The following AUTS2 variants were observed in gnomAD, a reference collection of about 807,000 sequenced individuals.
AUTS2 encodes autism susceptibility gene 2 protein.
A neutral mutation model predicts 112.4 loss-of-function variants in AUTS2; 17 were observed. The ratio of observed to expected loss-of-function variants is 0.15; its 90% CI spans 0.10 to 0.23. The LOEUF (loss-of-function observed/expected upper bound fraction) is 0.23, where lower values mean the gene tolerates loss of function less well. AUTS2 is among the 10% of genes least tolerant of loss of function. AUTS2 has a pLI of 1.00. For missense variants in AUTS2, 1,510 were observed against 1,701.6 expected, an observed-to-expected ratio of 0.89 and a Z score of 1.98; for synonymous variants, 751 against 702.7, an observed-to-expected ratio of 1.07 and a Z score of -1.09.
At chr7:70,464,808 T>C (rs1373438567) in intron 5 of AUTS2, among the ~76,000 whole-genome samples, 1 of 152,208 alleles carries the variant, frequency 6.6e-6, no homozygotes, top group East Asian at 1.9e-4. Context: ...TTCAGGGTCT[T>C]GGATACCAGG....
At chr7:70,461,941 T>G (rs527619060) in intron 5 of AUTS2, among the ~76,000 whole-genome samples, 2 of 152,274 alleles carry the variant, frequency 1.3e-5, no homozygotes, top group Admixed American at 1.3e-4. Context: ...GAGAAAGTGT[T>G]TTTTAAATAG....
At chr7:70,184,986 T>A (rs1408950533) in intron 4 of AUTS2, among the ~76,000 whole-genome samples, 1 of 152,216 alleles carries the variant, frequency 6.6e-6, no homozygotes, top group Non-Finnish European at 1.5e-5. Flanking sequence ...TATTAGAAGC[T>A]TTTGAAATAC....
chr7:70,375,634 G>C (rs1356640080), intron 4 of AUTS2, among the ~76,000 whole-genome samples: 1 of 152,144 alleles, frequency 6.6e-6, no homozygotes, highest in Non-Finnish European at 1.5e-5. Context: ...GCTTAAGAAA[G>C]TATTTATTAT....
intron 6 of AUTS2, among the ~76,000 whole-genome samples, chr7:70,712,636 A>G (rs1810122442): frequency 6.6e-6 from 1 of 152,226 alleles, no homozygotes; most frequent in African/African-American, 2.4e-5. Flanking sequence ...CAAGCCTTCC[A>G]GGTAGTTCTA....
At chr7:70,110,545 A>T (rs1402705928) in intron 2 of AUTS2, among the ~76,000 whole-genome samples, 2 of 152,124 alleles carry the variant, frequency 1.3e-5, no homozygotes, top group Non-Finnish European at 2.9e-5. Flanking sequence ...CAAATAAATA[A>T]ATAAATTATT....
At chr7:70,302,473 A>G (rs1789262128) in intron 4 of AUTS2, among the ~76,000 whole-genome samples, 1 of 152,084 alleles carries the variant, frequency 6.6e-6, no homozygotes. Context: ...TTTTAGTGTT[A>G]TAGTCATTAA....
chr7:69,617,581 CCAGAAGCTTAGAAACAG>C (rs1394113065), intron 1 of AUTS2, among the ~76,000 whole-genome samples: 1 of 152,058 alleles, frequency 6.6e-6, no homozygotes, highest in Non-Finnish European at 1.5e-5. Context: ...CTGAGTGACG[CCAGAAGCTTAGAAACAG>C]CAGAAAGCAA....
chr7:69,924,763 C>G (rs1353114575), intron 2 of AUTS2, among the ~76,000 whole-genome samples: 2 of 152,110 alleles, frequency 1.3e-5, no homozygotes, highest in Non-Finnish European at 2.9e-5. Context: ...GTTGGTCAGG[C>G]TGGTCTCAAA....
chr7:69,900,867 T>C (rs1447272841), intron 2 of AUTS2, among the ~76,000 whole-genome samples: 1 of 152,210 alleles, frequency 6.6e-6, no homozygotes, highest in Admixed American at 6.5e-5. Context: ...ATAGTAATTA[T>C]TAACATTTAC....
At chr7:69,722,378 A>T (rs1415818817) in intron 1 of AUTS2, among the ~76,000 whole-genome samples, 24 of 142,700 alleles carry the variant, frequency 1.7e-4, no homozygotes, top group South Asian at 2.2e-4. Flanking sequence ...CTTATTCTAC[A>T]TTTTTTTTTT....
At chr7:69,631,899 C>G (rs1014939507) in intron 1 of AUTS2, among the ~76,000 whole-genome samples, 1 of 152,174 alleles carries the variant, frequency 6.6e-6, no homozygotes, top group East Asian at 1.9e-4. Flanking sequence ...AATTGAATTT[C>G]AATTAAGGAT....
In AUTS2 at chr7:69,601,114, C is replaced by T. The variant is rs1489546795; in HGVS notation, c.309+1152C>T. 7.2e-5 allele frequency among the ~76,000 whole-genome samples: 11 copies of T among 151,974 alleles called. No homozygotes were observed. In the South Asian group the frequency reaches 2.3e-3, roughly 32 times the overall value. ...TAAATTTAACCGCCTAATTTCCTCC[C>T]CCACCTCCCTGTCCCCACCCCCCAC... On this transcript the variant is annotated intron_variant, in intron 1 of 18. Transcript: ENST00000342771.
At chr7:69,620,370 A>G (rs1466570914) in intron 1 of AUTS2, among the ~76,000 whole-genome samples, 2 of 152,246 alleles carry the variant, frequency 1.3e-5, no homozygotes, top group African/African-American at 4.8e-5. Context: ...TTGGGCACTG[A>G]TGAATACCGT....
chr7:70,617,814 C>T (rs895812160), intron 5 of AUTS2, among the ~76,000 whole-genome samples: 3 of 152,186 alleles, frequency 2.0e-5, no homozygotes, highest in Non-Finnish European at 4.4e-5. Context: ...AATCTACTTT[C>T]GCTGAAATTT....
chr7:69,797,307 G>C (rs1313064615), intron 1 of AUTS2, among the ~76,000 whole-genome samples: 1 of 152,120 alleles, frequency 6.6e-6, no homozygotes, highest in Non-Finnish European at 1.5e-5. Context: ...AGCTCCCCAA[G>C]CCATAGAGTT....
intron 17 of AUTS2, 97 bp from the exon 18 acceptor site, chr7:70,787,112 C>A: frequency 9.2e-7 from 1 of 1,082,132 alleles, no homozygotes; most frequent in Non-Finnish European, 1.4e-6. Context: ...TTCATTTTAA[C>A]TCTGAATGCT....
At chr7:70,244,314 A>G (rs1812787084) in intron 4 of AUTS2, among the ~76,000 whole-genome samples, 1 of 152,180 alleles carries the variant, frequency 6.6e-6, no homozygotes, top group African/African-American at 2.4e-5. Flanking sequence ...ACTATTATTA[A>G]GAACTCTTTG....
At chr7:69,701,087 C>T (rs1475572523) in intron 1 of AUTS2, among the ~76,000 whole-genome samples, 1 of 152,116 alleles carries the variant, frequency 6.6e-6, no homozygotes, top group African/African-American at 2.4e-5. Context: ...GACAAGTTAC[C>T]TAACCTCTTT....
At chr7:69,803,879 C>T (rs1411666150) in intron 1 of AUTS2, among the ~76,000 whole-genome samples, 1 of 152,082 alleles carries the variant, frequency 6.6e-6, no homozygotes, top group African/African-American at 2.4e-5. Context: ...AATAAACAAA[C>T]AAATTAGCCA....
Sources: allele counts gnomAD v4.1 joint callset (sites outside exome capture counted in the v4.1 genomes callset), GRCh38; gene constraint gnomAD v4.1.1; transcripts MANE v1.5; gene names NCBI Gene and HGNC (gene_info 2026-07-23, HGNC 2026-07-21).